Variants in CPNE4 observed in about 807,000 individuals in gnomAD.
CPNE4 encodes the protein copine 4, also known as copine-4.
Under a neutral mutation model 67.9 loss-of-function variants are expected in CPNE4, and 25 were observed. The ratio of observed to expected loss-of-function variants is 0.37; its 90% confidence interval spans 0.27 to 0.51. The LOEUF (loss-of-function observed/expected upper bound fraction) is 0.51, where lower values mean the gene tolerates loss of function less well. CPNE4 is among the 20% of genes least tolerant of loss of function. The probability of loss-of-function intolerance (pLI) is 0.93; values close to 1 mark genes in which losing one functional copy is unlikely to be tolerated. For synonymous variants in CPNE4, 242 were observed against 244.9 expected (o/e 0.99, Z 0.11); for missense variants, 464 against 690.8 (o/e 0.67, Z 3.68).
At chr3:131,548,027 A>C (rs534745232) in intron 14 of CPNE4, among the ~76,000 whole-genome samples, 22 of 152,278 alleles carry the variant, frequency 1.4e-4, no homozygotes, top group Admixed American at 1.4e-3. Context: ...GGAGTAGCTG[A>C]AGATGATAAT....
At chr3:131,792,630 TACACAC>T (rs2083765382) in intron 2 of CPNE4, among the ~76,000 whole-genome samples, 1 of 93,370 alleles carries the variant, frequency 1.1e-5, no homozygotes, top group Non-Finnish European at 2.1e-5. Flanking sequence ...TATATATATA[TACACAC>T]GTGTATATAT....
chr3:131,744,623 T>G (rs542506502), intron 2 of CPNE4, among the ~76,000 whole-genome samples: 57 of 152,204 alleles, frequency 3.7e-4, no homozygotes, highest in Non-Finnish European at 7.2e-4. Context: ...TGGCATCCAT[T>G]AATGTGTTCT....
chr3:131,695,980 C>T (rs1205002395), intron 5 of CPNE4, among the ~76,000 whole-genome samples: 2 of 152,044 alleles, frequency 1.3e-5, no homozygotes, highest in Non-Finnish European at 2.9e-5. Flanking sequence ...GTGGAATGTC[C>T]ATTTTTGATA....
At chr3:132,012,411 T>C (rs1350752300) in intron 1 of CPNE4, among the ~76,000 whole-genome samples, 1 of 152,160 alleles carries the variant, frequency 6.6e-6, no homozygotes, top group African/African-American at 2.4e-5. Flanking sequence ...TCAACTGATC[T>C]GACCACCTTG....
chr3:131,572,876 T>C (rs569892560), intron 10 of CPNE4, among the ~76,000 whole-genome samples: 1 of 152,220 alleles, frequency 6.6e-6, no homozygotes, highest in Non-Finnish European at 1.5e-5. Flanking sequence ...CTCATCTCTC[T>C]GCCACTTCCT....
intron 1 of CPNE4, among the ~76,000 whole-genome samples, chr3:131,978,081 A>ATATATATT (rs1553820714): frequency 0.016 from 591 of 37,636 alleles, 142 homozygotes; most frequent in African/African-American, 0.086. Context: ...ATATATAAAT[A>ATATATATT]TATATAAATA....
Position 131,953,238 on chromosome 3 carries a change from T to TAAAAAAAA in CPNE4, c.-1-47795_-1-47794insTTTTTTTT, listed in dbSNP as rs369308316. On this transcript the variant is annotated intron_variant, in intron 1 of 15. Transcript: ENST00000429747. ...GTGAGAAACACCCAAGAATGATCAA[T>TAAAAAAAA]TAAAAAAAAAAAAAAAAAAAAAAAA... is the stretch of plus-strand genomic sequence containing the variant. Among the ~76,000 whole-genome samples, 82 of 75,630 alleles carry TAAAAAAAA rather than the reference T, an allele frequency of 1.1e-3. 1 individual carries two copies. Among genetic ancestry groups the TAAAAAAAA allele is most frequent in the African/African-American group, 1.3e-3 (27 of 20,130 alleles). The allele number at this position is 75,630 out of a possible 152,430, so 49.6% of individuals were successfully genotyped here.
chr3:131,577,532 C>A (rs1937580050), intron 9 of CPNE4, among the ~76,000 whole-genome samples: 1 of 152,114 alleles, frequency 6.6e-6, no homozygotes, highest in Admixed American at 6.6e-5. Flanking sequence ...TGTAACACAA[C>A]TGTAAGTCTT....
intron 1 of CPNE4, among the ~76,000 whole-genome samples, chr3:131,949,793 A>G (rs545683873): frequency 6.6e-6 from 1 of 152,228 alleles, no homozygotes; most frequent in African/African-American, 2.4e-5. Context: ...TTCCTCCATA[A>G]TGTTTAGTGC....
intron 15 of CPNE4, 32 bp from the exon 16 acceptor site, chr3:131,535,361 G>A (rs1348759043): frequency 1.3e-6 from 2 of 1,595,620 alleles, no homozygotes; most frequent in Non-Finnish European, 1.7e-6. Context: ...CATGACGTTG[G>A]CTTCTGGTCA....
chr3:131,932,285 C>T (rs4854857), intron 1 of CPNE4, among the ~76,000 whole-genome samples: 26,652 of 152,092 alleles, frequency 0.18, 2,650 homozygotes, highest in East Asian at 0.31. Context: ...GGAAACCTGG[C>T]TATCTGAAAT....
rs73874158 is a variant in CPNE4, at chr3:131,600,462, C to T, written c.682-12880G>A. ...AAAGGGGAGGGGAATCAGAAGTCTG[C>T]TTTGCTTGATGGAGCAAGACCAAGT... On this transcript the variant is annotated intron_variant, in intron 7 of 15. Coordinates refer to ENST00000429747, the MANE Select transcript of CPNE4 (RefSeq NM_130808.3). Among the ~76,000 whole-genome samples the T allele has an allele frequency of 8.8e-3, 1,340 of 152,260 alleles. 19 individuals are homozygous for T. Among genetic ancestry groups the T allele is most frequent in the East Asian group, 0.053 (273 of 5,170 alleles).
At chr3:131,550,192 C>G in intron 13 of CPNE4, 112 bp from the exon 14 acceptor site, 1 of 1,084,022 alleles carries the variant, frequency 9.2e-7, no homozygotes. Context: ...TTATCAACAT[C>G]ATGTTTATGT....
intron 2 of CPNE4, among the ~76,000 whole-genome samples, chr3:131,789,035 CAGAG>C (rs71136414): frequency 0.011 from 1,565 of 137,308 alleles, 13 homozygotes; most frequent in Non-Finnish European, 0.016. Flanking sequence ...CACACACACA[CAGAG>C]AGAGAGAGAG....
At chr3:131,908,925 C>T (rs1420952990) in intron 1 of CPNE4, among the ~76,000 whole-genome samples, 4 of 152,074 alleles carry the variant, frequency 2.6e-5, no homozygotes, top group Admixed American at 1.3e-4. Flanking sequence ...TACCACAATA[C>T]CAGGTATATT....
At chr3:131,843,215 G>T (rs2085863370) in intron 2 of CPNE4, among the ~76,000 whole-genome samples, 1 of 152,210 alleles carries the variant, frequency 6.6e-6, no homozygotes. Context: ...GATTCTGAGA[G>T]ACTTCTGGAA....
intron 3 of CPNE4, among the ~76,000 whole-genome samples, chr3:131,705,868 C>T (rs34000453): frequency 0.22 from 34,037 of 152,062 alleles, 4,588 homozygotes; most frequent in South Asian, 0.31. Flanking sequence ...AATTATACAC[C>T]TTTGCCTCAT....
intron 8 of CPNE4, among the ~76,000 whole-genome samples, chr3:131,583,110 G>A (rs898334208): frequency 6.6e-6 from 1 of 152,124 alleles, no homozygotes; most frequent in South Asian, 2.1e-4. Context: ...TCAAAATATG[G>A]AATTCTTGGG....
intron 7 of CPNE4, among the ~76,000 whole-genome samples, chr3:131,615,467 C>T (rs16837237): frequency 0.16 from 23,931 of 152,134 alleles, 2,348 homozygotes; most frequent in African/African-American, 0.28. Context: ...GCCACCACTA[C>T]ACTTTGATAA....
Sources: gnomAD v4.1 joint callset for allele counts (sites outside exome capture counted in the v4.1 genomes callset) on GRCh38, gnomAD v4.1.1 for gene constraint, MANE v1.5 for transcripts, NCBI Gene and HGNC (gene_info 2026-07-23, HGNC 2026-07-21) for gene names.